NHLRC2: variants seen among roughly 807,000 people sequenced by gnomAD.
NHLRC2 encodes NHL repeat containing 2.
NHLRC2 carries 33 observed loss-of-function variants against 68.1 expected under a neutral mutation model. The observed-to-expected ratio is 0.48, with a 90% CI of 0.37 to 0.65. NHLRC2 has a LOEUF of 0.65. Ranked by LOEUF, NHLRC2 falls within the 30% of genes least tolerant of loss-of-function variation. The pLI, the probability that NHLRC2 is intolerant of heterozygous loss-of-function variation, is 0.00. For synonymous variants in NHLRC2, 311 were observed against 309.6 expected, an observed-to-expected ratio of 1.00 and a Z score of -0.05; for missense variants, 761 against 853.8, an observed-to-expected ratio of 0.89 and a Z score of 1.35.
rs1330678636 is a variant in NHLRC2, at chr10:113,909,494, CATTT to C, written c.*962_*965del. On this transcript the variant is annotated 3_prime_UTR_variant, in exon 11 of 11. Coordinates refer to ENST00000369301, the MANE Select transcript of NHLRC2 (RefSeq NM_198514.4). ...CCATATTCAGAATTTAAATTATGAT[CATTT>C]ATTGTGATGTTTTTAAAAATCACTT... 1.3e-5 allele frequency: 2 copies of C among 151,860 alleles called. No individual in the cohort carries two copies. Among genetic ancestry groups the C allele is most frequent in the Admixed American group, 1.3e-4 (2 of 15,248 alleles). The allele number at this position is 151,860 out of a possible 1,614,324, so 9.4% of individuals were successfully genotyped here.
chr10:113,896,198 T>G (rs1846175844), intron 5 of NHLRC2, among the ~76,000 whole-genome samples: 1 of 152,108 alleles, frequency 6.6e-6, no homozygotes, highest in African/African-American at 2.4e-5. Flanking sequence ...ATCATGCTAC[T>G]ATAAAGACAC....
chr10:113,870,934 C>T (rs902001556), intron 2 of NHLRC2, among the ~76,000 whole-genome samples: 1 of 151,072 alleles, frequency 6.6e-6, no homozygotes, highest in Non-Finnish European at 1.5e-5. Flanking sequence ...TTTTGTCTGC[C>T]ATTATATCCC....
chr10:113,880,636 G>A (rs912317043), intron 4 of NHLRC2, among the ~76,000 whole-genome samples: 7 of 151,588 alleles, frequency 4.6e-5, no homozygotes, highest in Non-Finnish European at 8.9e-5. Flanking sequence ...TATACACATA[G>A]TAGAAAAAAA....
intron 5 of NHLRC2, among the ~76,000 whole-genome samples, chr10:113,892,735 G>T (rs1266263805): frequency 2.6e-5 from 4 of 151,846 alleles, no homozygotes; most frequent in Non-Finnish European, 5.9e-5. Context: ...GTCTAGCACG[G>T]TGGCTGTGAG....
intron 5 of NHLRC2, among the ~76,000 whole-genome samples, chr10:113,891,636 T>C (rs1468186452): frequency 2.0e-5 from 3 of 152,184 alleles, no homozygotes; most frequent in Non-Finnish European, 1.5e-5. Context: ...GAGGGTTTTC[T>C]TAGTGTTAGT....
At chr10:113,889,768 G>A (rs1040216596) in intron 5 of NHLRC2, among the ~76,000 whole-genome samples, 8 of 152,144 alleles carry the variant, frequency 5.3e-5, no homozygotes, top group Admixed American at 3.9e-4. Flanking sequence ...ACTGGCAGCA[G>A]TGATCTCTTT....
chr10:113,893,169 GGAGGCTGTGGGTAC>G (rs1049109387), intron 5 of NHLRC2, among the ~76,000 whole-genome samples: 15 of 152,238 alleles, frequency 9.9e-5, no homozygotes, highest in African/African-American at 3.6e-4. Context: ...TCCCGGAGTA[GGAGGCTGTGGGTAC>G]ATTTAATCAG....
chr10:113,855,119 G>A (rs1589531924), intron 1 of NHLRC2, 69 bp downstream of exon 1: 10 of 1,368,298 alleles, frequency 7.3e-6, no homozygotes, highest in Non-Finnish European at 9.1e-6. Context: ...GCGCCCTCCC[G>A]CGAAGCGGTG....
chr10:113,885,535 C>A (rs1020229522), intron 5 of NHLRC2, among the ~76,000 whole-genome samples: 4 of 151,916 alleles, frequency 2.6e-5, no homozygotes, highest in African/African-American at 9.7e-5. Flanking sequence ...TTCACCAGTA[C>A]TTTTCACTTT....
At chr10:113,891,892 AT>A (rs1258381699) in intron 5 of NHLRC2, among the ~76,000 whole-genome samples, 1 of 152,142 alleles carries the variant, frequency 6.6e-6, no homozygotes, top group Non-Finnish European at 1.5e-5. Flanking sequence ...GGCAGCCAGA[AT>A]CTGTCTTGTG....
rs953235996 is a variant in NHLRC2, at chr10:113,912,586, C to A, written c.*4050C>A. ...CATTCCTACAACATATGCCCAACAA[C>A]CTGCACCAGAGTACTTATATCTTAA... On this transcript the variant is annotated 3_prime_UTR_variant, in exon 11 of 11. Coordinates refer to ENST00000369301, the MANE Select transcript of NHLRC2 (RefSeq NM_198514.4). The A allele has an allele frequency of 2.6e-5, 4 of 152,188 alleles. No homozygotes were observed. The highest frequency in any genetic ancestry group is 9.7e-5 in the African/African-American group (4 of 41,442). The allele number at this position is 152,188 out of a possible 1,614,324, so 9.4% of individuals were successfully genotyped here.
rs75927665 is a variant in NHLRC2 at position 113,913,437 on chromosome 10, A to C, written c.*4901A>C. 6.6e-6 allele frequency: 1 copy of C among 152,338 alleles called. No individual in the cohort carries two copies. The allele number at this position is 152,338 out of a possible 1,614,324, so 9.4% of individuals were successfully genotyped here. On this transcript the variant is annotated 3_prime_UTR_variant, in exon 11 of 11. Transcript: ENST00000369301. ...AATTGTTTGTCAAAAGATTTTATGTACTACTTTTTCTTAATTTCAGATATT... is the reference window on the plus strand; with the variant it reads ...AATTGTTTGTCAAAAGATTTTATGTCCTACTTTTTCTTAATTTCAGATATT...
chr10:113,906,926 G>A (rs935620272), intron 10 of NHLRC2, among the ~76,000 whole-genome samples: 2 of 152,188 alleles, frequency 1.3e-5, no homozygotes, highest in Non-Finnish European at 2.9e-5. Flanking sequence ...GGCAGAGCTC[G>A]CAGTGAGCCA....
chr10:113,900,478 T>C (rs1455661512), intron 6 of NHLRC2, among the ~76,000 whole-genome samples: 2 of 152,164 alleles, frequency 1.3e-5, no homozygotes, highest in South Asian at 2.1e-4. Flanking sequence ...CTCTCCTTCT[T>C]AATAGGAAAT....
chr10:113,885,615 A>T (rs1846074539), intron 5 of NHLRC2, among the ~76,000 whole-genome samples: 1 of 151,986 alleles, frequency 6.6e-6, no homozygotes, highest in Non-Finnish European at 1.5e-5. Flanking sequence ...GATGTTATTT[A>T]TTACATGAGT....
chr10:113,892,261 A>T lies in NHLRC2; in HGVS notation c.1040-5849A>T, dbSNP rs530878976. Among the ~76,000 whole-genome samples, 34 of 152,330 alleles carry T rather than the reference A, an allele frequency of 2.2e-4. No homozygotes were observed. In the South Asian group the frequency reaches 6.2e-3, roughly 28 times the overall value. On this transcript the variant is annotated intron_variant, in intron 5 of 10. Transcript: ENST00000369301. The stretch of plus-strand genomic sequence containing the variant: ...TGTTGATTTTATTTGTTTTCTAAAA[A>T]TATGTCTAATCTCTACTGATAATTA...
intron 5 of NHLRC2, among the ~76,000 whole-genome samples, chr10:113,897,805 G>A (rs982883954): frequency 8.5e-5 from 13 of 152,224 alleles, no homozygotes; most frequent in African/African-American, 2.9e-4. Context: ...CATTGTTAAT[G>A]CTCGTTGTAA....
chr10:113,880,501 ATAAG>A (rs1846027733), intron 4 of NHLRC2, among the ~76,000 whole-genome samples: 1 of 151,968 alleles, frequency 6.6e-6, no homozygotes. Flanking sequence ...TGTTTGGAAA[ATAAG>A]TAACCAAGTT....
Position 113,914,177 on chromosome 10 carries a change from G to C in NHLRC2, c.*5641G>C, listed in dbSNP as rs1415628456. 6.7e-6 allele frequency: 1 copy of C among 150,142 alleles called. No individual in the cohort carries two copies. The highest frequency in any genetic ancestry group is 1.5e-5 in the Non-Finnish European group (1 of 67,866). 9.3% of individuals were successfully genotyped at this position (150,142 alleles called of 1,614,324 possible). On this transcript the variant is annotated 3_prime_UTR_variant, in exon 11 of 11. Coordinates refer to ENST00000369301, the MANE Select transcript of NHLRC2 (RefSeq NM_198514.4). ...AGCATTAGGTACTTTGTTTTGTTTT[G>C]TTTTGTTTTTGTTTTTTTTGAGATG...
Sources: gnomAD v4.1 joint callset for allele counts (sites outside exome capture counted in the v4.1 genomes callset) on GRCh38, gnomAD v4.1.1 for gene constraint, MANE v1.5 for transcripts, NCBI Gene and HGNC (gene_info 2026-07-23, HGNC 2026-07-21) for gene names.